Variants in LARP1B observed in about 807,000 individuals in gnomAD.
The protein encoded by LARP1B is La ribonucleoprotein 1B.
LARP1B carries 76 observed loss-of-function variants against 114.2 expected under a neutral mutation model. The observed-to-expected ratio is 0.67, with a 90% confidence interval of 0.55 to 0.81. LARP1B has a LOEUF of 0.81. Among genes scored for constraint, LARP1B ranks in the 30% least tolerant of loss-of-function variants. The pLI is 0.00. For missense variants in LARP1B, 1,014 were observed against 1,075.8 expected, an observed-to-expected ratio of 0.94 and a Z score of 0.80; for synonymous variants, 345 against 348.0, an observed-to-expected ratio of 0.99 and a Z score of 0.10.
In LARP1B at chr4:128,209,979, ACC is replaced by A; in HGVS notation, c.2672_2673del (p.Thr891LysfsTer2). On this transcript the variant is annotated frameshift_variant, in exon 20 of 20. Transcript: ENST00000326639. LOFTEE classifies it low-confidence loss of function (END_TRUNC). Reference protein sequence around the residue: ...KPPNAAKPTSTSELQVPINSP... With the variant: ...KPPNAAKPTSXSELQVPINSP... ...ACCAAATGCTGCTAAACCTACATCT[ACC>A]AGTGAGCTTCAGGTACCAATAAACT... is the stretch of plus-strand genomic sequence containing the variant. 1 of 1,614,014 alleles carries A rather than the reference ACC, an allele frequency of 6.2e-7. No individual in the cohort carries two copies.
At chr4:128,153,110 G>A (rs939223037) in intron 11 of LARP1B, among the ~76,000 whole-genome samples, 1 of 144,692 alleles carries the variant, frequency 6.9e-6, no homozygotes, top group Non-Finnish European at 1.5e-5. Flanking sequence ...AGCCTCCCCA[G>A]TAGCTGGGAT....
downstream of LARP1B, among the ~76,000 whole-genome samples, chr4:128,213,490 C>CT (rs1759256665): frequency 6.6e-6 from 1 of 151,906 alleles, no homozygotes; most frequent in Non-Finnish European, 1.5e-5. Flanking sequence ...ATGGTATGTA[C>CT]TTTTTTTGGG....
intron 1 of LARP1B, chr4:128,062,166 T>A: frequency 2.0e-6 from 2 of 985,282 alleles, no homozygotes; most frequent in Non-Finnish European, 1.2e-6. Flanking sequence ...CCCCAGCACC[T>A]GTCCCCAGAC....
chr4:128,115,115 T>G (rs1785350684), intron 10 of LARP1B, among the ~76,000 whole-genome samples: 1 of 152,080 alleles, frequency 6.6e-6, no homozygotes, highest in Non-Finnish European at 1.5e-5. Flanking sequence ...TTTTTGTATT[T>G]GTAGTAGAGA....
Position 128,081,186 on chromosome 4 carries a change from C to T in LARP1B, c.218-979C>T, listed in dbSNP as rs112867025. Among the ~76,000 whole-genome samples the T allele has an allele frequency of 8.6e-4, 129 of 150,388 alleles. 1 individual carries two copies. The highest frequency in any genetic ancestry group is 3.4e-3 in the Middle Eastern group (1 of 294). ...CTCTGCCTCCCGGGTTTAAGGAATTCTCCTGTCTCAGCTTCCCGAGTAGCT... is the reference window on the plus strand; with the variant it reads ...CTCTGCCTCCCGGGTTTAAGGAATTTTCCTGTCTCAGCTTCCCGAGTAGCT... On this transcript the variant is annotated intron_variant, in intron 4 of 19. Coordinates refer to ENST00000326639, the MANE Select transcript of LARP1B (RefSeq NM_018078.4).
At chr4:128,084,922 C>T (rs1021493917) in intron 5 of LARP1B, among the ~76,000 whole-genome samples, 8 of 151,060 alleles carry the variant, frequency 5.3e-5, no homozygotes, top group African/African-American at 1.2e-4. Context: ...AGTGCAGTGG[C>T]GTGTGATCTG....
chr4:128,098,767 A>ATT (rs869184167), intron 8 of LARP1B, among the ~76,000 whole-genome samples: 14 of 35,020 alleles, frequency 4.0e-4, no homozygotes, highest in East Asian at 1.3e-3. Flanking sequence ...ATATATATAT[A>ATT]TTTTTTTTTT....
chr4:128,114,139 TAG>T (rs1785031409), intron 9 of LARP1B, among the ~76,000 whole-genome samples: 1 of 152,202 alleles, frequency 6.6e-6, no homozygotes, highest in East Asian at 1.9e-4. Context: ...GTATAGACCC[TAG>T]TAGAACAAGA....
Position 128,210,315 on chromosome 4 carries a change from A to G in LARP1B, c.*262A>G, listed in dbSNP as rs72683938. On this transcript the variant is annotated 3_prime_UTR_variant, in exon 20 of 20. Transcript: ENST00000326639. ...TGGTGACCTTTTATAGAGATCTTCT[A>G]GTAATGTATTTTGATCTCAGATTTC... The G allele has an allele frequency of 6.6e-3, 8,062 of 1,221,672 alleles. 42 individuals carry two copies. Among genetic ancestry groups the G allele is most frequent in the Non-Finnish European group, 7.2e-3 (7,030 of 976,394 alleles). The allele number at this position is 1,221,672 out of a possible 1,614,324, so 75.7% of individuals were successfully genotyped here. A position where few individuals can be genotyped will look rare whatever the true frequency, so the allele number is the denominator to read the frequency against.
In LARP1B at chr4:128,114,725, G is replaced by A. The variant is rs1173355866; in HGVS notation, c.1144G>A (p.Ala382Thr). The change falls in exon 10 of 20, where the codon GCC becomes ACC. Residue 382 changes from alanine (A) to threonine (T), a missense_variant. Ala to Thr is a moderately conservative substitution (Grantham distance 58). Coordinates refer to ENST00000326639, the MANE Select transcript of LARP1B (RefSeq NM_018078.4). ...WIEVKKRHQP[A>T]PVKLRESVSV... The stretch of plus-strand genomic sequence containing the variant: ...AGAAGTTAAAAAAAGACATCAGCCA[G>A]CCCCAGTGAAATTGAGGGTAAGTTG... 6.2e-7 allele frequency: 1 copy of A among 1,613,904 alleles called. No individual in the cohort carries two copies. The highest frequency in any genetic ancestry group is 1.7e-5 in the Admixed American group (1 of 59,986).
At chr4:128,088,557 C>G (rs1240561671) in intron 5 of LARP1B, among the ~76,000 whole-genome samples, 1 of 152,000 alleles carries the variant, frequency 6.6e-6, no homozygotes, top group Non-Finnish European at 1.5e-5. Context: ...TATTAAGGTA[C>G]TACCACGAAC....
intron 12 of LARP1B, among the ~76,000 whole-genome samples, chr4:128,170,961 C>G (rs1247712622): frequency 7.0e-6 from 1 of 142,458 alleles, no homozygotes; most frequent in African/African-American, 2.6e-5. Flanking sequence ...AATTTATGTA[C>G]TATGAATTTG....
Position 128,207,285 on chromosome 4 carries a change from G to T in LARP1B, c.2449G>T (p.Ala817Ser). 3.3e-6 allele frequency: 5 copies of T among 1,510,442 alleles called. No homozygotes were observed. Among genetic ancestry groups the T allele is most frequent in the Non-Finnish European group, 3.6e-6 (4 of 1,120,696 alleles). The allele number at this position is 1,510,442 out of a possible 1,614,324, so 93.6% of individuals were successfully genotyped here. A position where few individuals can be genotyped will look rare whatever the true frequency, so the allele number is the denominator to read the frequency against. ...GCTGTATGGACTAGAAAAGTTTTGG[G>T]CTTATTTGAAATATTCTCAATCTAA... ...GQLYGLEKFW[A>S]YLKYSQSKTQ... The change falls in exon 19 of 20, where the codon GCT becomes TCT. Residue 817 changes from alanine to serine, a missense_variant. Coordinates refer to ENST00000326639, the MANE Select transcript of LARP1B (RefSeq NM_018078.4).
chr4:128,129,630 C>T (rs1441163186), intron 11 of LARP1B, among the ~76,000 whole-genome samples: 1 of 152,134 alleles, frequency 6.6e-6, no homozygotes, highest in Non-Finnish European at 1.5e-5. Context: ...TCAAGATTTA[C>T]TGTAAAGCTG....
chr4:128,208,511 T>C (rs1758197311), intron 19 of LARP1B, among the ~76,000 whole-genome samples: 1 of 152,202 alleles, frequency 6.6e-6, no homozygotes, highest in African/African-American at 2.4e-5. Flanking sequence ...AAGAGCTATT[T>C]TTCTAGAGTG....
chr4:128,103,254 G>T (rs190658820), intron 8 of LARP1B, among the ~76,000 whole-genome samples: 11 of 151,970 alleles, frequency 7.2e-5, no homozygotes, highest in African/African-American at 2.7e-4. Flanking sequence ...TGGCCTGAGT[G>T]ATGAATGTTT....
In LARP1B at chr4:128,206,481, T is replaced by A; in HGVS notation, c.2363T>A (p.Phe788Tyr). The A allele has an allele frequency of 1.2e-6, 2 of 1,613,458 alleles. No homozygotes were observed. The highest frequency in any genetic ancestry group is 1.7e-6 in the Non-Finnish European group (2 of 1,179,806). ...RFYSYGLEKK[F>Y]RREIFQDFQE... ...TATAGTTATGGACTGGAAAAAAAATTCAGGCGAGAAATTTTTCAGGATTTC... is the reference window on the plus strand; with the variant it reads ...TATAGTTATGGACTGGAAAAAAAATACAGGCGAGAAATTTTTCAGGATTTC... The change falls in exon 18 of 20, where the codon TTC (phenylalanine) becomes TAC (tyrosine). Residue 788 changes from phenylalanine to tyrosine, a missense_variant. By Grantham distance (22) the Phe-to-Tyr change is conservative. Coordinates refer to ENST00000326639, the MANE Select transcript of LARP1B (RefSeq NM_018078.4).
At chr4:128,071,593 T>C (rs1441770742) in intron 1 of LARP1B, among the ~76,000 whole-genome samples, 1 of 151,960 alleles carries the variant, frequency 6.6e-6, no homozygotes, top group African/African-American at 2.4e-5. Flanking sequence ...AGTTAGTTTT[T>C]ATATTTTTAG....
At chr4:128,203,588 G>A (rs1756715808) in intron 17 of LARP1B, among the ~76,000 whole-genome samples, 1 of 152,030 alleles carries the variant, frequency 6.6e-6, no homozygotes, top group Non-Finnish European at 1.5e-5. Flanking sequence ...TGGCCAGGCT[G>A]GTCTTGAACA....
Sources: allele counts gnomAD v4.1 joint callset (sites outside exome capture counted in the v4.1 genomes callset), GRCh38; gene constraint gnomAD v4.1.1; transcripts MANE v1.5; gene names NCBI Gene and HGNC (gene_info 2026-07-23, HGNC 2026-07-21).